SDK1: variants seen among roughly 807,000 people sequenced by gnomAD.
SDK1 encodes the protein sidekick cell adhesion molecule 1.
In SDK1, 157 loss-of-function variants were observed where a neutral mutation model predicts 245.5. The ratio of observed to expected loss-of-function variants is 0.64; its 90% confidence interval spans 0.56 to 0.73. The LOEUF (loss-of-function observed/expected upper bound fraction) is 0.73, where lower values mean the gene tolerates loss of function less well. Among genes scored for constraint, SDK1 ranks in the 30% least tolerant of loss-of-function variants. The probability of loss-of-function intolerance (pLI) is 0.00; values close to 1 mark genes in which losing one functional copy is unlikely to be tolerated. For missense variants in SDK1, 3,583 were observed against 3,002.3 expected, an observed-to-expected ratio of 1.19 and a Z score of -4.52; for synonymous variants, 1,647 against 1,278.5, an observed-to-expected ratio of 1.29 and a Z score of -6.15.
chr7:4,191,812 GGGAA>G, intron 35 of SDK1, among the ~76,000 whole-genome samples: 2 of 152,368 alleles, frequency 1.3e-5, no homozygotes, highest in Non-Finnish European at 2.9e-5. Flanking sequence ...CCACAGAGGA[GGGAA>G]GCGCCATCTC....
chr7:4,178,346 G>A (rs78221434), intron 34 of SDK1, 139 bp from the exon 35 acceptor site: 14 of 701,714 alleles, frequency 2.0e-5, no homozygotes, highest in African/African-American at 5.3e-5. Flanking sequence ...GTGGATGCAG[G>A]TATTTCACAG....
intron 4 of SDK1, among the ~76,000 whole-genome samples, chr7:3,719,803 C>T (rs1362993668): frequency 6.6e-6 from 1 of 151,762 alleles, no homozygotes; most frequent in East Asian, 1.9e-4. Flanking sequence ...ATGGTGAAAC[C>T]CCGTCTCTAC....
At chr7:3,958,836 T>C in intron 7 of SDK1, 95 bp from the exon 8 acceptor site, 1 of 959,330 alleles carries the variant, frequency 1.0e-6, no homozygotes, top group Non-Finnish European at 1.6e-6. Flanking sequence ...TTTTCAAGAA[T>C]GGTTTTTAAG....
chr7:3,358,470 T>C lies in SDK1; in HGVS notation c.298+56586T>C, dbSNP rs139488938. ...TTGTTTTGTTTTTCTCTTTTCTTTT[T>C]TTCCCCCAGCTACTGCTCCTCGCAG... On this transcript the variant is annotated intron_variant, in intron 1 of 44. Transcript: ENST00000404826. Among the ~76,000 whole-genome samples, 539 of 152,326 alleles carry C rather than the reference T, an allele frequency of 3.5e-3. 6 individuals are homozygous for C. The highest frequency in any genetic ancestry group is 0.012 in the African/African-American group (516 of 41,560).
At chr7:3,799,873 C>T (rs550583340) in intron 4 of SDK1, among the ~76,000 whole-genome samples, 1 of 152,050 alleles carries the variant, frequency 6.6e-6, no homozygotes, top group Non-Finnish European at 1.5e-5. Context: ...AAAGTGAATA[C>T]TTAGTTCATG....
At chr7:3,846,833 C>T (rs540479898) in intron 5 of SDK1, among the ~76,000 whole-genome samples, 2 of 152,102 alleles carry the variant, frequency 1.3e-5, no homozygotes, top group South Asian at 4.2e-4. Flanking sequence ...GCAGCAGCAG[C>T]CCTCTCCCCT....
intron 1 of SDK1, among the ~76,000 whole-genome samples, chr7:3,383,755 T>G (rs1391906943): frequency 6.6e-6 from 1 of 152,240 alleles, no homozygotes; most frequent in Non-Finnish European, 1.5e-5. Context: ...TCAAACATCT[T>G]TGATGCATAG....
At chr7:3,995,872 A>G (rs1275411776) in intron 14 of SDK1, among the ~76,000 whole-genome samples, 3 of 151,108 alleles carry the variant, frequency 2.0e-5, no homozygotes, top group South Asian at 2.1e-4. Flanking sequence ...TGCTTTTACC[A>G]TTAATGTTTG....
intron 1 of SDK1, among the ~76,000 whole-genome samples, chr7:3,323,645 C>G (rs1000239550): frequency 1.3e-5 from 2 of 152,182 alleles, no homozygotes; most frequent in African/African-American, 4.8e-5. Context: ...GTGTCAGGTC[C>G]TTTGTATGCT....
Position 4,158,538 on chromosome 7 carries a change from C to T in SDK1, c.4716C>T (p.Thr1572=), listed in dbSNP as rs369246636. 6.1e-5 allele frequency: 98 copies of T among 1,613,046 alleles called. No homozygotes were observed. Among genetic ancestry groups the T allele is most frequent in the Admixed American group, 1.3e-4 (8 of 60,008 alleles). The change falls in exon 31 of 45, where the codon ACC becomes ACT. Residue 1572 remains threonine (T), a synonymous_variant. Coordinates refer to ENST00000404826, the MANE Select transcript of SDK1 (RefSeq NM_152744.4). The part of the protein sequence containing the change: ...SDFSSETEAV[T]TLQDVPGEPP... ...TCAGTTCAGAGACAGAGGCGGTGAC[C>T]ACGCTGCAGGATGGTGAGCAACCCG... is the stretch of plus-strand genomic sequence containing the variant.
At chr7:3,728,497 A>T (rs985238949) in intron 4 of SDK1, among the ~76,000 whole-genome samples, 13 of 152,232 alleles carry the variant, frequency 8.5e-5, no homozygotes, top group African/African-American at 1.7e-4. Flanking sequence ...TTACACATGA[A>T]TAAATCCCCA....
At chr7:3,353,623 A>G (rs944047850) in intron 1 of SDK1, among the ~76,000 whole-genome samples, 1 of 152,194 alleles carries the variant, frequency 6.6e-6, no homozygotes, top group Non-Finnish European at 1.5e-5. Context: ...TCTATTTCTG[A>G]ATGGTTAGTG....
At chr7:3,801,755 C>T (rs760393908) in intron 4 of SDK1, among the ~76,000 whole-genome samples, 11 of 152,204 alleles carry the variant, frequency 7.2e-5, no homozygotes, top group Admixed American at 2.6e-4. Context: ...CCTTGGAACA[C>T]GCCCAGCCTG....
chr7:4,044,380 T>C (rs1788862704), intron 17 of SDK1, among the ~76,000 whole-genome samples: 2 of 152,220 alleles, frequency 1.3e-5, no homozygotes, highest in Admixed American at 1.3e-4. Flanking sequence ...AGAGCCTACA[T>C]TGAAGGGTTT....
chr7:3,778,871 C>G (rs1357334381), intron 4 of SDK1, among the ~76,000 whole-genome samples: 1 of 152,188 alleles, frequency 6.6e-6, no homozygotes, highest in African/African-American at 2.4e-5. Context: ...AAACACTACT[C>G]AGGTGGGAGA....
chr7:3,565,032 G>C (rs1779866578), intron 1 of SDK1, among the ~76,000 whole-genome samples: 1 of 151,948 alleles, frequency 6.6e-6, no homozygotes, highest in Admixed American at 6.6e-5. Flanking sequence ...AAGCAGTTTT[G>C]GGTTGTGGGG....
At chr7:4,261,242 G>T (rs1274621291) in intron 44 of SDK1, among the ~76,000 whole-genome samples, 4 of 152,124 alleles carry the variant, frequency 2.6e-5, no homozygotes, top group African/African-American at 9.7e-5. Context: ...TCCTGCCCGG[G>T]TGCTGATGTG....
At chr7:3,399,416 A>G (rs59076306) in intron 1 of SDK1, among the ~76,000 whole-genome samples, 16,027 of 152,184 alleles carry the variant, frequency 0.11, 1,117 homozygotes, top group African/African-American at 0.19. Context: ...TAAGTTCAAC[A>G]TCTAGGCTTC....
At chr7:4,049,621 G>C (rs1275943655) in intron 18 of SDK1, among the ~76,000 whole-genome samples, 158 bp downstream of exon 18, 1 of 152,210 alleles carries the variant, frequency 6.6e-6, no homozygotes, top group African/African-American at 2.4e-5. Context: ...CAAAGTCTTG[G>C]CATCAGCTCT....
Sources: gnomAD v4.1 joint callset for allele counts (sites outside exome capture counted in the v4.1 genomes callset) on GRCh38, gnomAD v4.1.1 for gene constraint, MANE v1.5 for transcripts, NCBI Gene and HGNC (gene_info 2026-07-23, HGNC 2026-07-21) for gene names.